TTN: variants seen among roughly 807,000 people sequenced by gnomAD.
TTN encodes the protein connectin.
A neutral mutation model predicts 3,223.0 loss-of-function variants in TTN; 1,525 were observed. The observed-to-expected ratio is 0.47, with a 90% CI of 0.45 to 0.49. The LOEUF (loss-of-function observed/expected upper bound fraction) is 0.49. TTN is among the 20% of genes least tolerant of loss of function. The pLI, the probability that TTN is intolerant of heterozygous loss-of-function variation, is 0.00. For missense variants in TTN, 40,786 were observed against 43,424.0 expected (o/e 0.94, Z 5.40); for synonymous variants, 14,094 against 15,161.0 (o/e 0.93, Z 5.17).
intron 47 of TTN, chr2:178,751,095 T>C: frequency 1.2e-6 from 2 of 1,612,848 alleles, no homozygotes; most frequent in Non-Finnish European, 1.7e-6. Flanking sequence ...TTTTGCACAA[T>C]ACTCTCAGCT....
intron 127 of TTN, among the ~76,000 whole-genome samples, chr2:178,686,385 G>T (rs2562851): frequency 4.0e-5 from 6 of 151,040 alleles, no homozygotes; most frequent in Admixed American, 1.3e-4. Flanking sequence ...CTCCCAAAGT[G>T]CTGGGATTAC....
rs758745272 is a variant in TTN at position 178,593,290 on chromosome 2, T to C, written c.58918A>G (p.Arg19640Gly). The stretch of plus-strand genomic sequence containing the variant: ...CATCCTTCTAGAAGATCAGGAACCC[T>C]AAATTTAGTGTATGGATGAATAGGA... ...KDPIHPYTKF[R>G]VPDLLEGCQY... is the part of the protein sequence containing the mutation. The change falls in exon 299 of 363, where the codon AGG becomes GGG. Residue 19640 changes from arginine to glycine, a missense_variant. By Grantham distance (125) the Arg-to-Gly change is moderately radical. Coordinates refer to ENST00000589042, the MANE Select transcript of TTN (RefSeq NM_001267550.2). 7 of 1,613,308 alleles carry C rather than the reference T, an allele frequency of 4.3e-6. No homozygotes were observed. Among genetic ancestry groups the C allele is most frequent in the Non-Finnish European group, 8.5e-7 (1 of 1,179,588 alleles).
rs200471370 is a variant in TTN, at chr2:178,573,950, A to G, written c.72182T>C (p.Met24061Thr). The part of the protein sequence containing the change: ...ADVSGRPPPT[M>T]EWSKDGKELE... ...CTCTTTTCCATCTTTGCTCCATTCC[A>G]TTGTTGGAGGTGGGCGGCCTGAAAC... Residue 24061 changes from methionine (M) to threonine (T), a missense_variant, in exon 326 of 363, where the codon ATG (methionine) becomes ACG (threonine). Physicochemically the swap from Met to Thr is moderately conservative, Grantham distance 81 (BLOSUM62 -1). Coordinates refer to ENST00000589042, the MANE Select transcript of TTN (RefSeq NM_001267550.2). The G allele has an allele frequency of 2.9e-4, 471 of 1,613,094 alleles. 2 individuals are homozygous for G. The highest frequency in any genetic ancestry group is 3.4e-4 in the Non-Finnish European group (401 of 1,179,562).
Position 178,582,218 on chromosome 2 carries a change from T to C in TTN, c.66161-10A>G, listed in dbSNP as rs1291640939. On this transcript the variant is annotated splice_polypyrimidine_tract_variant and intron_variant, in intron 314 of 362. Coordinates refer to ENST00000589042, the MANE Select transcript of TTN (RefSeq NM_001267550.2). ...CAGCGTCCTGGTGGGTCTGCAGAAA[T>C]TGATTGAAAAGTTAATTTCCCAGGC... 3.2e-6 allele frequency: 5 copies of C among 1,586,050 alleles called. No individual in the cohort carries two copies. Among genetic ancestry groups the C allele is most frequent in the Non-Finnish European group, 4.3e-6 (5 of 1,172,262 alleles).
intron 258 of TTN, 32 bp downstream of exon 258, chr2:178,615,609 A>G (rs183184461): frequency 1.2e-6 from 2 of 1,610,988 alleles, no homozygotes; most frequent in Non-Finnish European, 1.7e-6. Context: ...AGGCAACAAG[A>G]TTAGGTAAGA....
In TTN at chr2:178,556,915, C is replaced by T; in HGVS notation, c.88239G>A (p.Arg29413=). Residue 29413 remains arginine, a synonymous_variant, in exon 330 of 363, where the codon AGG becomes AGA. Coordinates refer to ENST00000589042, the MANE Select transcript of TTN (RefSeq NM_001267550.2). The part of the protein sequence containing the change: ...NSQYEFRVFA[R]NAVGSISNPS... ...GATTGCTAATGGAACCAACAGCATT[C>T]CTAGCAAAGACACGGAATTCATACT... is the stretch of plus-strand genomic sequence containing the variant. 6.2e-7 allele frequency: 1 copy of T among 1,613,808 alleles called. No homozygotes were observed. Among genetic ancestry groups the T allele is most frequent in the Non-Finnish European group, 8.5e-7 (1 of 1,179,822 alleles).
rs1460815999 is a variant in TTN, at chr2:178,722,013, T to A, written c.22650A>T (p.Lys7550Asn). 7 of 1,613,416 alleles carry A rather than the reference T, an allele frequency of 4.3e-6. No individual in the cohort carries two copies. The highest frequency in any genetic ancestry group is 5.9e-6 in the Non-Finnish European group (7 of 1,179,590). The change falls in exon 78 of 363, where the codon AAA becomes AAT. Residue 7550 changes from lysine to asparagine, a missense_variant. Lys to Asn is a moderately conservative substitution (Grantham distance 94, BLOSUM62 0). Transcript: ENST00000589042. ...CTCCAGGACGGATCTCCTTGTTATC[T>A]TTTGACCAAGTGATTCGCATCGGTT... The part of the protein sequence containing the change: ...GAQPMRITWS[K>N]DNKEIRPGGN...
intron 138 of TTN, 100 bp from the exon 139 acceptor site, chr2:178,680,431 C>A (rs1026859333): frequency 4.3e-6 from 4 of 940,450 alleles, no homozygotes; most frequent in Non-Finnish European, 5.0e-6. Context: ...ATGTATCTTC[C>A]TTTAATGAGA....
chr2:178,729,216 C>G (rs2079928910), intron 64 of TTN, 47 bp from the exon 65 acceptor site: 4 of 1,550,036 alleles, frequency 2.6e-6, no homozygotes, highest in Admixed American at 2.0e-5. Context: ...TATTGTAACT[C>G]CTACCCATAA....
At chr2:178,688,954 G>C in intron 125 of TTN, 99 bp downstream of exon 125, 1 of 1,294,602 alleles carries the variant, frequency 7.7e-7, no homozygotes, top group Non-Finnish European at 1.1e-6. Context: ...CAATGGATCA[G>C]TATAAGCACA....
At position 178,599,096 on chromosome 2, in the gene TTN, T is replaced by A. The variant is rs182163713; in HGVS notation, c.56648-34A>T. 8.1e-3 allele frequency: 12,246 copies of A among 1,504,102 alleles called. 61 individuals are homozygous for A. Among genetic ancestry groups the A allele is most frequent in the Middle Eastern group, 0.017 (94 of 5,570 alleles). The allele number at this position is 1,504,102 out of a possible 1,614,324, so 93.2% of individuals were successfully genotyped here. The stretch of plus-strand genomic sequence containing the variant: ...AAGATCATATTGATTATAAGAAATT[T>A]AAAAAAAAAGTAAAAATGGCTTTGT... On this transcript the variant is annotated intron_variant, in intron 290 of 362. Coordinates refer to ENST00000589042, the MANE Select transcript of TTN (RefSeq NM_001267550.2).
rs978195730 is a variant in TTN at position 178,571,061 on chromosome 2, G to C, written c.75071C>G (p.Thr25024Ser). The C allele has an allele frequency of 6.2e-7, 1 of 1,612,680 alleles. No individual in the cohort carries two copies. Among genetic ancestry groups the C allele is most frequent in the Non-Finnish European group, 8.5e-7 (1 of 1,178,948 alleles). The change falls in exon 326 of 363, where the codon ACT becomes AGT. Residue 25024 changes from threonine (T) to serine (S), a missense_variant. Coordinates refer to ENST00000589042, the MANE Select transcript of TTN (RefSeq NM_001267550.2). ...ATAGGTGGGTTTCTTCCACTGAAGA[G>C]TCACAGAATTCCTTGTGACAATGAT... ...EAIIVTRNSV[T>S]LQWKKPTYDG... is the part of the protein sequence containing the mutation.
Position 178,548,064 on chromosome 2 carries a change from C to T in TTN, c.93562G>A (p.Ala31188Thr). 1 of 1,613,808 alleles carries T rather than the reference C, an allele frequency of 6.2e-7. No individual in the cohort carries two copies. The highest frequency in any genetic ancestry group is 8.5e-7 in the Non-Finnish European group (1 of 1,179,804). The change falls in exon 339 of 363, where the codon GCC (alanine) becomes ACC (threonine). Residue 31188 changes from alanine to threonine, a missense_variant. Physicochemically the swap from Ala to Thr is moderately conservative, Grantham distance 58. Coordinates refer to ENST00000589042, the MANE Select transcript of TTN (RefSeq NM_001267550.2). This position sits in a 1 kb window ranked among gnomAD's most constrained non-coding sequence, Gnocchi z 4.3. ...EKTEYEFRVK[A>T]KNDAGYSEPR... ...TCACTATAGCCAGCATCATTCTTGG[C>T]CTTCACACGGAATTCATATTCAGTT... is the stretch of plus-strand genomic sequence containing the variant.
Position 178,739,786 on chromosome 2 carries a change from C to T in TTN, c.13447G>A (p.Glu4483Lys), listed in dbSNP as rs776176473. 5.0e-6 allele frequency: 8 copies of T among 1,613,730 alleles called. No individual in the cohort carries two copies. The African/African-American group carries it at 6.7e-5, about 13-fold the overall frequency. The change falls in exon 48 of 363, where the codon GAG becomes AAG. Residue 4483 changes from glutamate (E) to lysine (K), a missense_variant. Glu to Lys is a moderately conservative substitution (Grantham distance 56, BLOSUM62 1). Coordinates refer to ENST00000589042, the MANE Select transcript of TTN (RefSeq NM_001267550.2). ...LRDALCAIIYEEIDILTAEGP... is the reference protein window; with the variant it reads ...LRDALCAIIYKEIDILTAEGP... Reference sequence around the variant, plus strand: ...TCAGCTGTTAGGATGTCTATTTCCTCATATATAATAGCACACAAAGCATCC... The same window carrying T: ...TCAGCTGTTAGGATGTCTATTTCCTTATATATAATAGCACACAAAGCATCC...
Position 178,738,159 on chromosome 2 carries a change from A to G in TTN, c.14294T>C (p.Val4765Ala), listed in dbSNP as rs1192234880. Residue 4765 changes from valine to alanine, a missense_variant, in exon 49 of 363, where the codon GTT (valine) becomes GCT (alanine). Transcript: ENST00000589042. The part of the protein sequence containing the change: ...SSLEILRTQV[V>A]DCGEYTCKAS... ...TTTGCATGTATACTCGCCGCAGTCAACCACCTGGGTTCTCAGGATTTCAAG... is the reference window on the plus strand; with the variant it reads ...TTTGCATGTATACTCGCCGCAGTCAGCCACCTGGGTTCTCAGGATTTCAAG... 5.0e-6 allele frequency: 8 copies of G among 1,613,842 alleles called. No homozygotes were observed. Among genetic ancestry groups the G allele is most frequent in the Admixed American group, 1.7e-5 (1 of 60,014 alleles).
chr2:178,664,526 G>C lies in TTN; in HGVS notation c.36214C>G (p.Leu12072Val). 1 of 1,611,996 alleles carries C rather than the reference G, an allele frequency of 6.2e-7. No homozygotes were observed. The highest frequency in any genetic ancestry group is 8.5e-7 in the Non-Finnish European group (1 of 1,179,318). ...EVLPDEVPEA[L>V]REVVPEKKVH... Reference sequence around the variant, plus strand: ...TTCTTTTCCGGGACAACTTCTCTGAGAGCCTCCGGCACTTTGAAGATATTA... The same window carrying C: ...TTCTTTTCCGGGACAACTTCTCTGACAGCCTCCGGCACTTTGAAGATATTA... The change falls in exon 168 of 363, where the codon CTC becomes GTC. Residue 12072 changes from leucine to valine, a missense_variant. Coordinates refer to ENST00000589042, the MANE Select transcript of TTN (RefSeq NM_001267550.2).
At chr2:178,651,202 G>A (rs1247797988) in intron 208 of TTN, 41 bp downstream of exon 208, 2 of 1,529,804 alleles carry the variant, frequency 1.3e-6, no homozygotes, top group South Asian at 1.2e-5. Flanking sequence ...TATTAGACAA[G>A]GGTGAGTGCT....
Position 178,742,683 on chromosome 2 carries a change from A to G in TTN, c.11312-762T>C, listed in dbSNP as rs113282416. On this transcript the variant is annotated intron_variant, in intron 47 of 362. Transcript: ENST00000589042. ...AGTGCATAACAGAGACTCTTTAAACAGTATCCTGGATGACAGGATGAAAGA... is the reference window on the plus strand; with the variant it reads ...AGTGCATAACAGAGACTCTTTAAACGGTATCCTGGATGACAGGATGAAAGA... Among the ~76,000 whole-genome samples, 127 of 152,292 alleles carry G rather than the reference A, an allele frequency of 8.3e-4. 2 individuals are homozygous for G. Among genetic ancestry groups the G allele is most frequent in the African/African-American group, 2.2e-3 (92 of 41,596 alleles).
At position 178,633,309 on chromosome 2, in the gene TTN, C is replaced by T. The variant is rs760193032; in HGVS notation, c.42964G>A (p.Glu14322Lys). 3.7e-6 allele frequency: 6 copies of T among 1,612,956 alleles called. No homozygotes were observed. In the South Asian group the frequency reaches 6.6e-5, roughly 18 times the overall value. Reference protein sequence around the residue: ...VTVEARLIKVEKPLYGVEVFV... With the variant: ...VTVEARLIKVKKPLYGVEVFV... ...ACCTCTACTCCGTACAGAGGCTTTT[C>T]CACTTTTATTAGTCGAGCTGAAATG... Residue 14322 changes from glutamate (E) to lysine (K), a missense_variant, in exon 233 of 363, where the codon GAA (glutamate) becomes AAA (lysine). By Grantham distance (56) the Glu-to-Lys change is moderately conservative. Coordinates refer to ENST00000589042, the MANE Select transcript of TTN (RefSeq NM_001267550.2).
Sources: allele counts gnomAD v4.1 joint callset (sites outside exome capture counted in the v4.1 genomes callset), GRCh38; gene constraint gnomAD v4.1.1; non-coding constraint Gnocchi (gnomAD v3.1); transcripts MANE v1.5; gene names NCBI Gene and HGNC (gene_info 2026-07-23, HGNC 2026-07-21).